The following SMYD3 variants were observed in gnomAD, a reference collection of about 807,000 sequenced individuals.
SMYD3 encodes the protein histone-lysine N-methyltransferase SMYD3.
In SMYD3, 36 loss-of-function variants were observed where a neutral mutation model predicts 57.7. That is an observed-to-expected ratio of 0.62 (90% CI 0.48 to 0.82). The LOEUF (loss-of-function observed/expected upper bound fraction) is 0.82, where lower values mean the gene tolerates loss of function less well. SMYD3 is among the 40% of genes least tolerant of loss of function. SMYD3 has a pLI of 0.00. For synonymous variants in SMYD3, 211 were observed against 195.0 expected (o/e 1.08, Z -0.68); for missense variants, 515 against 538.8 (o/e 0.96, Z 0.44).
At chr1:246,205,276 A>C (rs12405937) in intron 5 of SMYD3, among the ~76,000 whole-genome samples, 30,781 of 152,204 alleles carry the variant, frequency 0.2, 3,470 homozygotes, top group East Asian at 0.34. Context: ...TCTTTCTAAC[A>C]AAGTTATTTT....
rs78286442 is a variant in SMYD3 at position 246,499,901 on chromosome 1, T to C, written c.164+7153A>G. ...TCCCTATCAAATCCATTTTGATAAT[T>C]TGTAAAAGGATAAAGGGGTCCTGAG... On this transcript the variant is annotated intron_variant, in intron 1 of 11. Transcript: ENST00000490107. Among the ~76,000 whole-genome samples, 9 of 152,324 alleles carry C rather than the reference T, an allele frequency of 5.9e-5. No homozygotes were observed. The East Asian group carries it at 1.7e-3, about 29-fold the overall frequency.
chr1:246,101,447 C>A (rs986459768), intron 5 of SMYD3, among the ~76,000 whole-genome samples: 1 of 152,140 alleles, frequency 6.6e-6, no homozygotes, highest in African/African-American at 2.4e-5. Context: ...TGCCAATCCC[C>A]ATCCACATCT....
At chr1:245,952,789 C>G (rs1255267266) in intron 5 of SMYD3, among the ~76,000 whole-genome samples, 2 of 152,210 alleles carry the variant, frequency 1.3e-5, no homozygotes, top group African/African-American at 4.8e-5. Flanking sequence ...TGGCTACGCA[C>G]TCGAGCAGAA....
At chr1:245,797,086 C>T (rs571053638) in intron 10 of SMYD3, among the ~76,000 whole-genome samples, 1 of 152,302 alleles carries the variant, frequency 6.6e-6, no homozygotes, top group African/African-American at 2.4e-5. Context: ...ATAGTTACTA[C>T]AAGGCACTTT....
rs1373525124 is a variant in SMYD3 at position 246,202,961 on chromosome 1, C to T, written c.531+124240G>A. The stretch of plus-strand genomic sequence containing the variant: ...GCCAATATGGGAAAACCCGTCTCTA[C>T]TAAAAATACAAAATTTAGCTGGTCG... On this transcript the variant is annotated intron_variant, in intron 5 of 11. Transcript: ENST00000490107. The surrounding 1 kb of genome is among the most constrained non-coding windows in gnomAD (Gnocchi z 4.1). 6.6e-6 allele frequency among the ~76,000 whole-genome samples: 1 copy of T among 152,012 alleles called. No homozygotes were observed. Among genetic ancestry groups the T allele is most frequent in the East Asian group, 1.9e-4 (1 of 5,158 alleles).
At position 246,109,878 on chromosome 1, in the gene SMYD3, T is replaced by C. The variant is rs138443341; in HGVS notation, c.532-179941A>G. 1,216 of 152,378 alleles carry C rather than the reference T, an allele frequency of 8.0e-3. 13 individuals are homozygous for C. Among genetic ancestry groups the C allele is most frequent in the South Asian group, 0.037 (178 of 4,830 alleles). The allele number at this position is 152,378 out of a possible 1,614,324, so 9.4% of individuals were successfully genotyped here. ...GAACAAGGAGGAAGAAGCAGAGACC[T>C]GGGCAAGACCTCAGAGTAAGTGTCC... On this transcript the variant is annotated intron_variant, in intron 5 of 11. Transcript: ENST00000490107.
At chr1:246,111,203 A>C (rs1487188315) in intron 5 of SMYD3, 3 of 152,166 alleles carry the variant, frequency 2.0e-5, no homozygotes, top group Non-Finnish European at 4.4e-5. Context: ...TTACATACTT[A>C]AGTTTTTCTA....
chr1:245,895,352 G>A (rs758786912), intron 8 of SMYD3, among the ~76,000 whole-genome samples: 23 of 152,112 alleles, frequency 1.5e-4, no homozygotes, highest in Non-Finnish European at 3.1e-4. Context: ...TCTTCCTGAG[G>A]ACAACATAGT....
intron 5 of SMYD3, among the ~76,000 whole-genome samples, chr1:246,022,163 C>T (rs1218724333): frequency 6.6e-6 from 1 of 152,198 alleles, no homozygotes; most frequent in Non-Finnish European, 1.5e-5. Flanking sequence ...GTACTTAAGA[C>T]ATCAGTCCCT....
intron 1 of SMYD3, among the ~76,000 whole-genome samples, chr1:246,371,282 C>T (rs912749620): frequency 4.6e-5 from 7 of 152,164 alleles, no homozygotes; most frequent in Non-Finnish European, 1.0e-4. Context: ...TATTAAAATA[C>T]ACTGGCTTGT....
intron 5 of SMYD3, among the ~76,000 whole-genome samples, chr1:246,004,071 C>A (rs2059128964): frequency 1.8e-5 from 1 of 57,000 alleles, no homozygotes; most frequent in South Asian, 4.9e-4. Context: ...AAGCCTGTCT[C>A]CTATCTGTAA....
intron 5 of SMYD3, among the ~76,000 whole-genome samples, chr1:246,162,123 A>T (rs776127683): frequency 1.9e-4 from 29 of 152,184 alleles, no homozygotes; most frequent in Non-Finnish European, 3.2e-4. Context: ...ACTATACAAC[A>T]TAAGTCGGTG....
chr1:246,060,428 T>C (rs2060231364), intron 5 of SMYD3, among the ~76,000 whole-genome samples: 2 of 152,160 alleles, frequency 1.3e-5, no homozygotes, highest in South Asian at 4.1e-4. Context: ...GGTTTTACCT[T>C]ATCCTAATCA....
intron 1 of SMYD3, among the ~76,000 whole-genome samples, chr1:246,362,037 C>T (rs929388852): frequency 3.9e-5 from 6 of 152,094 alleles, no homozygotes; most frequent in South Asian, 2.1e-4. Flanking sequence ...TGCTGTGGTA[C>T]GCACCCCCAG....
At chr1:246,042,112 A>C (rs1329658413) in intron 5 of SMYD3, among the ~76,000 whole-genome samples, 1 of 152,204 alleles carries the variant, frequency 6.6e-6, no homozygotes, top group Non-Finnish European at 1.5e-5. Context: ...TAATCCTCTA[A>C]CTGCAGAAAG....
intron 2 of SMYD3, among the ~76,000 whole-genome samples, chr1:246,340,732 A>T (rs1389296861): frequency 6.6e-6 from 1 of 152,186 alleles, no homozygotes; most frequent in Non-Finnish European, 1.5e-5. Context: ...ATTTTAAAAA[A>T]TTTAAATAGT....
At chr1:246,289,821 T>C (rs757093503) in intron 5 of SMYD3, among the ~76,000 whole-genome samples, 1 of 152,148 alleles carries the variant, frequency 6.6e-6, no homozygotes, top group African/African-American at 2.4e-5. Context: ...CCCGGGTAAG[T>C]GGATACACAG....
At chr1:245,802,784 G>C (rs2047935868) in intron 10 of SMYD3, among the ~76,000 whole-genome samples, 1 of 152,240 alleles carries the variant, frequency 6.6e-6, no homozygotes, top group South Asian at 2.1e-4. Context: ...TGCTCTTCAA[G>C]ATAATGGAAT....
At chr1:246,439,594 G>A (rs1361743727) in intron 1 of SMYD3, among the ~76,000 whole-genome samples, 1 of 151,612 alleles carries the variant, frequency 6.6e-6, no homozygotes, top group Admixed American at 6.6e-5. Context: ...TCCTCTCACA[G>A]TCACTGAATT....
Sources: allele counts gnomAD v4.1 joint callset (sites outside exome capture counted in the v4.1 genomes callset), GRCh38; gene constraint gnomAD v4.1.1; non-coding constraint Gnocchi (gnomAD v3.1); transcripts MANE v1.5; gene names NCBI Gene and HGNC (gene_info 2026-07-23, HGNC 2026-07-21).